Variants in ZNF365 observed in about 807,000 individuals in gnomAD.
The protein encoded by ZNF365 is zinc finger protein 365, also known as protein ZNF365.
Under a neutral mutation model 35.0 loss-of-function variants are expected in ZNF365, and 22 were observed. That is an observed-to-expected ratio of 0.63 (90% CI 0.45 to 0.90). The LOEUF (loss-of-function observed/expected upper bound fraction) is 0.90. Ranked by LOEUF, ZNF365 falls within the 40% of genes least tolerant of loss-of-function variation. The pLI, the probability that ZNF365 is intolerant of heterozygous loss-of-function variation, is 0.00. For missense variants in ZNF365, 448 were observed against 500.3 expected, an observed-to-expected ratio of 0.90 and a Z score of 1.00; for synonymous variants, 188 against 196.2, an observed-to-expected ratio of 0.96 and a Z score of 0.35.
chr10:62,405,882 G>A (rs918107963), downstream of ZNF365, among the ~76,000 whole-genome samples: 8 of 152,178 alleles, frequency 5.3e-5, no homozygotes, highest in Admixed American at 1.3e-4. Context: ...GTTCAAGGGT[G>A]AACCCCACTT....
At position 62,452,431 on chromosome 10, in the gene ZNF365, G is replaced by A. The variant is rs965479839; in HGVS notation, c.925-7310G>A. ...TTTATGGTTAACTGGAGAACAGATC[G>A]TGTTCTCTAGAATCTTACACTGACC... On this transcript the variant is annotated intron_variant, in intron 3 of 4. Coordinates refer to the ZNF365 transcript ENST00000395255. 4.6e-5 allele frequency among the ~76,000 whole-genome samples: 7 copies of A among 152,174 alleles called. No homozygotes were observed. In the East Asian group the frequency reaches 7.7e-4, roughly 17 times the overall value.
chr10:62,459,296 T>C (rs141562678), intron 3 of ZNF365, among the ~76,000 whole-genome samples: 1 of 152,306 alleles, frequency 6.6e-6, no homozygotes, highest in East Asian at 1.9e-4. Flanking sequence ...TTGGACTCCA[T>C]TCAGAGGCAC....
At chr10:62,441,010 G>A (rs1840491649) in intron 3 of ZNF365, among the ~76,000 whole-genome samples, 1 of 152,104 alleles carries the variant, frequency 6.6e-6, no homozygotes, top group Admixed American at 6.5e-5. Context: ...TGATAACTAA[G>A]AAGACAAATA....
At chr10:62,440,970 G>A (rs1408982069) in intron 3 of ZNF365, among the ~76,000 whole-genome samples, 1 of 152,158 alleles carries the variant, frequency 6.6e-6, no homozygotes, top group East Asian at 1.9e-4. Flanking sequence ...AAGAGAAAAG[G>A]CCCTCTTCAA....
At chr10:62,451,662 G>A (rs561731279) in intron 3 of ZNF365, among the ~76,000 whole-genome samples, 1 of 152,302 alleles carries the variant, frequency 6.6e-6, no homozygotes, top group Admixed American at 6.5e-5. Flanking sequence ...CCATGCAGGG[G>A]CTTGGCTACA....
intron 3 of ZNF365, among the ~76,000 whole-genome samples, chr10:62,456,040 T>C (rs180904418): frequency 1.4e-4 from 21 of 152,346 alleles, no homozygotes; most frequent in African/African-American, 4.3e-4. Flanking sequence ...CTAAACTTGC[T>C]GCGGTGATGG....
At chr10:62,397,523 T>C (rs768993008) in intron 3 of ZNF365, among the ~76,000 whole-genome samples, 1 of 152,202 alleles carries the variant, frequency 6.6e-6, no homozygotes, top group Non-Finnish European at 1.5e-5. Flanking sequence ...AAGATCAGGA[T>C]CAGGGGGATG....
chr10:62,399,943 A>G lies in ZNF365; in HGVS notation c.*154A>G. 2.9e-6 allele frequency: 4 copies of G among 1,365,860 alleles called. No individual in the cohort carries two copies. In the South Asian group the frequency reaches 8.5e-5, roughly 29 times the overall value. 84.6% of individuals were successfully genotyped at this position (1,365,860 alleles called of 1,614,324 possible). On this transcript the variant is annotated 3_prime_UTR_variant, in exon 5 of 5. Coordinates refer to ENST00000395254, the MANE Select transcript of ZNF365 (RefSeq NM_014951.3). ...CAAGCACCTCAATTAACCAGAGCTT[A>G]GCAAATGGGAATCTTAGTGAACCAG...
chr10:62,455,642 C>G (rs1204135606), intron 3 of ZNF365, among the ~76,000 whole-genome samples: 1 of 151,446 alleles, frequency 6.6e-6, no homozygotes, highest in Admixed American at 6.6e-5. Context: ...AAACTATGTG[C>G]ATATGGTAAA....
chr10:62,474,141 G>A (rs1040269532), intron 4 of ZNF365, among the ~76,000 whole-genome samples: 1 of 152,178 alleles, frequency 6.6e-6, no homozygotes, highest in East Asian at 1.9e-4. Flanking sequence ...TGTTTCATTG[G>A]CTAGAATTAG....
intron 2 of ZNF365, among the ~76,000 whole-genome samples, chr10:62,382,671 T>A (rs1839460346): frequency 6.6e-6 from 1 of 152,166 alleles, no homozygotes; most frequent in Admixed American, 6.5e-5. Context: ...CCTTAAGACG[T>A]GCAGTTGTTG....
chr10:62,434,608 T>C (rs1304445351), intron 3 of ZNF365, among the ~76,000 whole-genome samples: 1 of 152,142 alleles, frequency 6.6e-6, no homozygotes, highest in African/African-American at 2.4e-5. Flanking sequence ...TTTACCTACT[T>C]GGAAGACTGC....
At chr10:62,464,153 A>G (rs1266195001) in intron 4 of ZNF365, among the ~76,000 whole-genome samples, 1 of 152,198 alleles carries the variant, frequency 6.6e-6, no homozygotes, top group Non-Finnish European at 1.5e-5. Context: ...CATTATAATG[A>G]CTTTGGGACT....
intron 3 of ZNF365, among the ~76,000 whole-genome samples, chr10:62,442,873 C>T (rs967073016): frequency 3.9e-5 from 6 of 152,162 alleles, no homozygotes; most frequent in African/African-American, 1.4e-4. Flanking sequence ...GGAATGAGGA[C>T]GGACTTGCCC....
chr10:62,473,862 G>C (rs746789889), intron 4 of ZNF365, among the ~76,000 whole-genome samples: 2 of 152,078 alleles, frequency 1.3e-5, no homozygotes, highest in Non-Finnish European at 2.9e-5. Context: ...TATCAGGGTC[G>C]GTAATTCAGT....
chr10:62,450,834 C>T (rs1840671469), intron 3 of ZNF365, among the ~76,000 whole-genome samples: 2 of 152,184 alleles, frequency 1.3e-5, no homozygotes, highest in African/African-American at 4.8e-5. Flanking sequence ...GGATATTGTG[C>T]TTGGTAAATG....
chr10:62,390,226 G>A (rs191761447), intron 3 of ZNF365, among the ~76,000 whole-genome samples: 222 of 152,254 alleles, frequency 1.5e-3, no homozygotes, highest in Middle Eastern at 0.01. Flanking sequence ...GTGCTTTCCA[G>A]GTTGTTTTGG....
intron 3 of ZNF365, among the ~76,000 whole-genome samples, chr10:62,439,796 C>T (rs74158907): frequency 0.011 from 1,684 of 152,180 alleles, 31 homozygotes; most frequent in African/African-American, 0.039. Flanking sequence ...TTGTTTATGC[C>T]ACTAATAATT....
intron 3 of ZNF365, among the ~76,000 whole-genome samples, chr10:62,409,237 C>T (rs956136736): frequency 1.3e-5 from 2 of 152,106 alleles, no homozygotes; most frequent in African/African-American, 4.8e-5. Context: ...GCAGCTCCAT[C>T]CAGTTGCCTG....
Sources: allele counts gnomAD v4.1 joint callset (sites outside exome capture counted in the v4.1 genomes callset), GRCh38; gene constraint gnomAD v4.1.1; transcripts MANE v1.5; gene names NCBI Gene and HGNC (gene_info 2026-07-23, HGNC 2026-07-21).